PCDHGA1: variants seen among roughly 807,000 people sequenced by gnomAD.
PCDHGA1 encodes protocadherin gamma-A1.
A neutral mutation model predicts 58.0 loss-of-function variants in PCDHGA1; 32 were observed. That is an observed-to-expected ratio of 0.55 (90% CI 0.42 to 0.74). PCDHGA1 has a LOEUF of 0.74. Among genes scored for constraint, PCDHGA1 ranks in the 30% least tolerant of loss-of-function variants. PCDHGA1 has a pLI of 0.00. For missense variants in PCDHGA1, 1,205 were observed against 1,182.3 expected, an observed-to-expected ratio of 1.02 and a Z score of -0.28; for synonymous variants, 498 against 501.1, an observed-to-expected ratio of 0.99 and a Z score of 0.08.
intron 2 of PCDHGA1, among the ~76,000 whole-genome samples, chr5:141,504,997 AC>A (rs554150488): frequency 9.9e-5 from 15 of 152,238 alleles, no homozygotes; most frequent in African/African-American, 2.9e-4. Flanking sequence ...CCCCGTCTGT[AC>A]TAAAAATACA....
At chr5:141,420,413 A>T in intron 1 of PCDHGA1, 1 of 1,222,396 alleles carries the variant, frequency 8.2e-7, no homozygotes, top group Non-Finnish European at 1.1e-6. Context: ...GGTTATCATT[A>T]TTAAAACAAA....
chr5:141,344,301 A>G (rs1757399190), intron 1 of PCDHGA1: 14 of 1,614,106 alleles, frequency 8.7e-6, no homozygotes, highest in Non-Finnish European at 1.0e-5. Context: ...CGCGGAGAGG[A>G]TAGACCGGGA....
At chr5:141,379,947 T>C (rs546796076) in intron 1 of PCDHGA1, among the ~76,000 whole-genome samples, 40 of 134,556 alleles carry the variant, frequency 3.0e-4, no homozygotes, top group African/African-American at 9.9e-4. Context: ...TCTCCCAGGC[T>C]GGAATGCAGT....
intron 1 of PCDHGA1, among the ~76,000 whole-genome samples, chr5:141,401,846 A>G (rs1168982151): frequency 6.6e-6 from 1 of 152,216 alleles, no homozygotes; most frequent in Non-Finnish European, 1.5e-5. Context: ...AATACCACTT[A>G]CTTTTAACCT....
intron 1 of PCDHGA1, among the ~76,000 whole-genome samples, chr5:141,381,770 A>G (rs1309418172): frequency 1.3e-5 from 2 of 151,484 alleles, no homozygotes; most frequent in Non-Finnish European, 2.9e-5. Flanking sequence ...TATATAATCA[A>G]TAATCAGGAA....
chr5:141,399,525 C>T (rs1170362164), intron 1 of PCDHGA1: 1 of 1,614,058 alleles, frequency 6.2e-7, no homozygotes, highest in East Asian at 2.2e-5. Flanking sequence ...CTGGGGCCTC[C>T]ATCGCGCAAG....
intron 1 of PCDHGA1, among the ~76,000 whole-genome samples, chr5:141,484,645 T>C (rs948669787): frequency 1.3e-5 from 2 of 151,970 alleles, no homozygotes; most frequent in Admixed American, 6.6e-5. Context: ...CACTCTCCAA[T>C]GGCTACTCTC....
rs1562059777 is a variant in PCDHGA1, at chr5:141,477,098, G to C, written c.2422-17709G>C. 6.2e-7 allele frequency: 1 copy of C among 1,614,242 alleles called. No individual in the cohort carries two copies. Among genetic ancestry groups the C allele is most frequent in the Non-Finnish European group, 8.5e-7 (1 of 1,180,046 alleles). ...GATTTACATCCAGGCCAAAGACAAG[G>C]GCGCCAATCCCGAAGGAGCACATTG... On this transcript the variant is annotated intron_variant, in intron 1 of 3. Transcript: ENST00000517417. This position sits in a 1 kb window ranked among gnomAD's most constrained non-coding sequence, Gnocchi z 4.9.
intron 1 of PCDHGA1, chr5:141,427,884 G>T (rs1346875505): frequency 5.1e-6 from 8 of 1,564,634 alleles, no homozygotes; most frequent in African/African-American, 2.7e-5. Flanking sequence ...GCAGGCCCAC[G>T]ACCAGGGCTC....
At chr5:141,345,241 G>A (rs745944664) in intron 1 of PCDHGA1, 24 of 1,613,750 alleles carry the variant, frequency 1.5e-5, no homozygotes, top group East Asian at 8.9e-5. Context: ...CAATATTACC[G>A]CTTAGTGACG....
At chr5:141,369,409 A>G (rs1468517805) in intron 1 of PCDHGA1, among the ~76,000 whole-genome samples, 1 of 152,194 alleles carries the variant, frequency 6.6e-6, no homozygotes, top group Non-Finnish European at 1.5e-5. Flanking sequence ...GTTCATGACT[A>G]TAATCCCAGC....
At chr5:141,383,066 C>T (rs1305703893) in intron 1 of PCDHGA1, 1 of 1,613,826 alleles carries the variant, frequency 6.2e-7, no homozygotes, top group Admixed American at 1.7e-5. Flanking sequence ...GGGCTGGAGC[C>T]CCGGGAGCTG....
In PCDHGA1 at chr5:141,496,208, G is replaced by T. The variant is rs530974273; in HGVS notation, c.2480+1343G>T. On this transcript the variant is annotated intron_variant, in intron 2 of 3. Coordinates refer to ENST00000517417, the MANE Select transcript of PCDHGA1 (RefSeq NM_018912.3). Reference sequence around the variant, plus strand: ...CCAGCTGCTCATTTCAATCTGGTATGAATTCCTGCTGAGACAGGAACCCCC... The same window carrying T: ...CCAGCTGCTCATTTCAATCTGGTATTAATTCCTGCTGAGACAGGAACCCCC... Among the ~76,000 whole-genome samples, 13 of 152,222 alleles carry T rather than the reference G, an allele frequency of 8.5e-5. No homozygotes were observed. In the East Asian group the frequency reaches 2.3e-3, roughly 27 times the overall value.
intron 1 of PCDHGA1, chr5:141,372,307 C>A: frequency 6.2e-7 from 1 of 1,613,452 alleles, no homozygotes; most frequent in Non-Finnish European, 8.5e-7. Flanking sequence ...AGGGAGGCCG[C>A]CCGCCAGCGC....
At chr5:141,413,054 A>T in intron 1 of PCDHGA1, 1 of 981,732 alleles carries the variant, frequency 1.0e-6, no homozygotes, top group Non-Finnish European at 1.5e-6. Context: ...AGGGAAGCTC[A>T]CTCCAGAATT....
At chr5:141,410,481 G>A in intron 1 of PCDHGA1, 2 of 1,613,966 alleles carry the variant, frequency 1.2e-6, no homozygotes, top group Non-Finnish European at 1.7e-6. Context: ...GCACATACGG[G>A]TACAAAAGAG....
At chr5:141,440,579 C>G (rs1004258822) in intron 1 of PCDHGA1, 12 of 152,188 alleles carry the variant, frequency 7.9e-5, no homozygotes, top group African/African-American at 2.7e-4. Flanking sequence ...TGAGTTTACC[C>G]AGCTGGAACA....
chr5:141,409,927 C>T, intron 1 of PCDHGA1: 5 of 1,613,342 alleles, frequency 3.1e-6, no homozygotes, highest in Middle Eastern at 1.6e-4. Flanking sequence ...CCGCGTTCTT[C>T]GATATGGTAC....
chr5:141,503,825 CA>C (rs2154593417), intron 2 of PCDHGA1, among the ~76,000 whole-genome samples: 1 of 152,186 alleles, frequency 6.6e-6, no homozygotes, highest in Non-Finnish European at 1.5e-5. Flanking sequence ...TGGGCAAAAC[CA>C]AAAGCAGGGA....
Sources: gnomAD v4.1 joint callset for allele counts (sites outside exome capture counted in the v4.1 genomes callset) on GRCh38, gnomAD v4.1.1 for gene constraint, Gnocchi (gnomAD v3.1) non-coding constraint, MANE v1.5 for transcripts, NCBI Gene and HGNC (gene_info 2026-07-23, HGNC 2026-07-21) for gene names.